MEGF11: variants seen among roughly 807,000 people sequenced by gnomAD.
MEGF11 encodes the protein multiple epidermal growth factor-like domains protein 11.
Under a neutral mutation model 146.6 loss-of-function variants are expected in MEGF11, and 126 were observed. The observed-to-expected ratio is 0.86, with a 90% CI of 0.74 to 1.00. The LOEUF is 1.00. MEGF11 is among the 50% of genes least tolerant of loss of function. The probability of loss-of-function intolerance (pLI) is 0.00; values close to 1 mark genes in which losing one functional copy is unlikely to be tolerated. For synonymous variants in MEGF11, 532 were observed against 583.4 expected (o/e 0.91, Z 1.27); for missense variants, 1,509 against 1,521.2 (o/e 0.99, Z 0.13).
chr15:66,238,113 G>A (rs561611909), intron 1 of MEGF11, among the ~76,000 whole-genome samples: 15 of 152,284 alleles, frequency 9.9e-5, no homozygotes, highest in South Asian at 8.3e-4. Flanking sequence ...GACTCTCAGC[G>A]CCTGCTGATG....
intron 13 of MEGF11, among the ~76,000 whole-genome samples, chr15:65,924,375 G>GT (rs1301363380): frequency 9.0e-6 from 1 of 111,692 alleles, no homozygotes; most frequent in African/African-American, 3.1e-5. Flanking sequence ...GGTGTGGGTG[G>GT]GGGGGGGGGC....
intron 1 of MEGF11, among the ~76,000 whole-genome samples, chr15:66,197,515 C>A (rs894172683): frequency 2.6e-5 from 4 of 152,154 alleles, no homozygotes. Context: ...CTCCGCCTCC[C>A]GGGTTCAAGC....
chr15:65,917,848 CAGA>C (rs1443058087), intron 16 of MEGF11, 115 bp downstream of exon 16: 5 of 1,206,484 alleles, frequency 4.1e-6, no homozygotes, highest in African/African-American at 3.0e-5. Context: ...TTCCTACATG[CAGA>C]AGGAGATTTC....
chr15:65,900,659 T>G (rs984808660), intron 24 of MEGF11, among the ~76,000 whole-genome samples: 1 of 152,224 alleles, frequency 6.6e-6, no homozygotes, highest in Non-Finnish European at 1.5e-5. Flanking sequence ...AGTCATTGCT[T>G]ATGAGATTTA....
chr15:66,041,865 C>G (rs1236857185), intron 5 of MEGF11, among the ~76,000 whole-genome samples: 1 of 152,116 alleles, frequency 6.6e-6, no homozygotes, highest in Non-Finnish European at 1.5e-5. Context: ...GTTACGTGCT[C>G]AAGGTCATAC....
chr15:66,231,317 C>G (rs759811573), intron 1 of MEGF11, among the ~76,000 whole-genome samples: 6 of 151,858 alleles, frequency 4.0e-5, no homozygotes, highest in East Asian at 3.9e-4. Flanking sequence ...GATGAACCCC[C>G]CTGAGGGCTG....
chr15:65,914,125 G>C (rs1309482946), intron 19 of MEGF11, 152 bp from the exon 20 acceptor site: 1 of 620,020 alleles, frequency 1.6e-6, no homozygotes, highest in Non-Finnish European at 2.9e-6. Flanking sequence ...ACTACCCCCA[G>C]CCCTCACTGT....
At chr15:66,196,614 A>C (rs1383503327) in intron 1 of MEGF11, among the ~76,000 whole-genome samples, 1 of 152,236 alleles carries the variant, frequency 6.6e-6, no homozygotes. Flanking sequence ...ATTTAGGTGC[A>C]GACAGGTTTA....
chr15:66,240,648 T>C (rs1489871726), intron 1 of MEGF11, among the ~76,000 whole-genome samples: 3 of 152,226 alleles, frequency 2.0e-5, no homozygotes, highest in Non-Finnish European at 4.4e-5. Flanking sequence ...TAATCTTAAG[T>C]ACTGTTATCA....
At chr15:65,996,799 A>G (rs1257611142) in intron 5 of MEGF11, among the ~76,000 whole-genome samples, 1 of 152,100 alleles carries the variant, frequency 6.6e-6, no homozygotes, top group East Asian at 1.9e-4. Flanking sequence ...TTGAGCTTCC[A>G]CAGCACCTCT....
At chr15:66,111,603 C>G (rs192737687) in intron 4 of MEGF11, among the ~76,000 whole-genome samples, 1 of 152,312 alleles carries the variant, frequency 6.6e-6, no homozygotes, top group African/African-American at 2.4e-5. Context: ...GGACTTCATA[C>G]CCACTCAAGG....
intron 1 of MEGF11, among the ~76,000 whole-genome samples, chr15:66,199,397 G>A (rs2091094422): frequency 6.6e-6 from 1 of 152,060 alleles, no homozygotes; most frequent in Admixed American, 6.6e-5. Context: ...CGTCCGTCAA[G>A]TCTCCACTCC....
chr15:66,013,217 G>A (rs1054761571), intron 5 of MEGF11, among the ~76,000 whole-genome samples: 10 of 152,160 alleles, frequency 6.6e-5, no homozygotes, highest in African/African-American at 2.4e-4. Context: ...TTGTTCTCTG[G>A]CCTCCATCGT....
chr15:65,935,434 C>G (rs1034534114), intron 10 of MEGF11, among the ~76,000 whole-genome samples: 1 of 149,976 alleles, frequency 6.7e-6, no homozygotes, highest in African/African-American at 2.5e-5. Flanking sequence ...CCTGAGCCCT[C>G]CACCTGTGGG....
At chr15:66,126,210 G>A (rs575830574) in intron 2 of MEGF11, among the ~76,000 whole-genome samples, 1 of 152,204 alleles carries the variant, frequency 6.6e-6, no homozygotes, top group African/African-American at 2.4e-5. Flanking sequence ...CAGGGACCGG[G>A]GTGTGTTTCT....
intron 7 of MEGF11, among the ~76,000 whole-genome samples, chr15:65,979,465 G>C (rs2081560241): frequency 6.6e-6 from 1 of 152,184 alleles, no homozygotes; most frequent in Non-Finnish European, 1.5e-5. Flanking sequence ...TCCTGCTTCT[G>C]CTCAGCAGCC....
intron 1 of MEGF11, among the ~76,000 whole-genome samples, chr15:66,191,259 C>T (rs1176634591): frequency 6.6e-6 from 1 of 152,182 alleles, no homozygotes; most frequent in East Asian, 1.9e-4. Flanking sequence ...GAGGGAGGGC[C>T]GCTCTCCGGG....
chr15:66,157,198 C>G (rs980604385), intron 1 of MEGF11, among the ~76,000 whole-genome samples: 1 of 152,202 alleles, frequency 6.6e-6, no homozygotes, highest in African/African-American at 2.4e-5. Flanking sequence ...ACAACAGTAC[C>G]TAGGCCATGT....
At chr15:66,037,610 G>A (rs896428615) in intron 5 of MEGF11, among the ~76,000 whole-genome samples, 1 of 152,150 alleles carries the variant, frequency 6.6e-6, no homozygotes, top group Admixed American at 6.5e-5. Context: ...GGTGGGGTGA[G>A]GGCAAGTGGG....
Sources: gnomAD v4.1 joint callset for allele counts (sites outside exome capture counted in the v4.1 genomes callset) on GRCh38, gnomAD v4.1.1 for gene constraint, MANE v1.5 for transcripts, NCBI Gene and HGNC (gene_info 2026-07-23, HGNC 2026-07-21) for gene names.